Variants in ABCA10 observed in about 807,000 individuals in gnomAD.
The protein encoded by ABCA10 is ATP binding cassette subfamily A member 10.
Under a neutral mutation model 187.5 loss-of-function variants are expected in ABCA10, and 169 were observed. The observed-to-expected ratio is 0.90, with a 90% CI of 0.80 to 1.02. The LOEUF (loss-of-function observed/expected upper bound fraction) is 1.02, where lower values mean the gene tolerates loss of function less well. Among genes scored for constraint, ABCA10 ranks in the 50% least tolerant of loss-of-function variants. The pLI, the probability that ABCA10 is intolerant of heterozygous loss-of-function variation, is 0.00. For missense variants in ABCA10, 1,727 were observed against 1,812.4 expected, an observed-to-expected ratio of 0.95 and a Z score of 0.86; for synonymous variants, 574 against 601.8, an observed-to-expected ratio of 0.95 and a Z score of 0.68.
chr17:69,182,375 T>G (rs1194008916), intron 21 of ABCA10, 85 bp from the exon 22 acceptor site: 1 of 1,141,698 alleles, frequency 8.8e-7, no homozygotes, highest in Non-Finnish European at 1.2e-6. Context: ...CAGAGTGGAA[T>G]TAGAATGAGA....
intron 1 of ABCA10, among the ~76,000 whole-genome samples, chr17:69,240,330 G>C (rs970468088): frequency 6.6e-6 from 1 of 152,130 alleles, no homozygotes; most frequent in African/African-American, 2.4e-5. Context: ...TCCTGGAATG[G>C]GGCTTGTATT....
At position 69,201,678 on chromosome 17, in the gene ABCA10, T is replaced by G. The variant is rs2074546515; in HGVS notation, c.1007-10A>C. The stretch of plus-strand genomic sequence containing the variant: ...CCATGGCCATCTTTATCTAATTAAT[T>G]AAGATACAATTACATATTGCATCAA... On this transcript the variant is annotated splice_polypyrimidine_tract_variant and intron_variant, in intron 9 of 38. Transcript: ENST00000690296. 1 of 1,581,476 alleles carries G rather than the reference T, an allele frequency of 6.3e-7. No individual in the cohort carries two copies. The highest frequency in any genetic ancestry group is 8.6e-7 in the Non-Finnish European group (1 of 1,163,058).
chr17:69,191,657 ATG>A (rs138548677), intron 16 of ABCA10, among the ~76,000 whole-genome samples: 18 of 151,970 alleles, frequency 1.2e-4, no homozygotes, highest in African/African-American at 3.6e-4. Flanking sequence ...AAGTTATTTT[ATG>A]TGTGTGTATA....
intron 11 of ABCA10, 68 bp from the exon 12 acceptor site, chr17:69,194,563 G>C: frequency 9.2e-7 from 1 of 1,084,090 alleles, no homozygotes; most frequent in South Asian, 1.5e-5. Context: ...CTTAAAATTG[G>C]AAAAGTAAAA....
At position 69,148,779 on chromosome 17, in the gene ABCA10, C is replaced by A; in HGVS notation, c.*48G>T. ...AAACATTCTTGTAGAATTATGGAAA[C>A]TAACAATGTAGTAGGACCTAAAATT... On this transcript the variant is annotated 3_prime_UTR_variant, in exon 39 of 39. Transcript: ENST00000690296. 7.0e-7 allele frequency: 1 copy of A among 1,423,190 alleles called. No individual in the cohort carries two copies. The highest frequency in any genetic ancestry group is 9.8e-7 in the Non-Finnish European group (1 of 1,021,972). The allele number at this position is 1,423,190 out of a possible 1,614,324, so 88.2% of individuals were successfully genotyped here. A position where few individuals can be genotyped will look rare whatever the true frequency, so the allele number is the denominator to read the frequency against.
At chr17:69,151,527 CA>C (rs2074128041) in intron 36 of ABCA10, among the ~76,000 whole-genome samples, 1 of 152,096 alleles carries the variant, frequency 6.6e-6, no homozygotes, top group African/African-American at 2.4e-5. Flanking sequence ...CTGCTATTCA[CA>C]AGGGTTTGAT....
At chr17:69,210,844 CCA>C (rs1171211777) in intron 9 of ABCA10, among the ~76,000 whole-genome samples, 2 of 12,828 alleles carry the variant, frequency 1.6e-4, no homozygotes, top group African/African-American at 9.6e-4. Context: ...CATATTTATG[CCA>C]CATATATATA....
At chr17:69,192,421 A>T in intron 16 of ABCA10, 142 bp downstream of exon 16, 1 of 633,574 alleles carries the variant, frequency 1.6e-6, no homozygotes, top group Non-Finnish European at 2.7e-6. Flanking sequence ...AATGTTAATG[A>T]GGAAGACATT....
At chr17:69,237,631 T>C (rs545335529) in intron 1 of ABCA10, among the ~76,000 whole-genome samples, 3 of 152,340 alleles carry the variant, frequency 2.0e-5, no homozygotes, top group South Asian at 2.1e-4. Context: ...CTGCGGCTAG[T>C]ACAGTTTTCT....
intron 9 of ABCA10, among the ~76,000 whole-genome samples, chr17:69,212,156 A>G (rs564543475): frequency 6.6e-6 from 1 of 152,238 alleles, no homozygotes; most frequent in African/African-American, 2.4e-5. Context: ...TCTGTATCGC[A>G]GGGGTTTTGA....
chr17:69,214,897 C>A, intron 8 of ABCA10, 46 bp from the exon 9 acceptor site: 2 of 1,361,170 alleles, frequency 1.5e-6, no homozygotes, highest in Non-Finnish European at 2.0e-6. Context: ...ACTTATAAAA[C>A]TAAATAAAAC....
chr17:69,158,605 T>C (rs1232762257), intron 27 of ABCA10, among the ~76,000 whole-genome samples: 1 of 151,988 alleles, frequency 6.6e-6, no homozygotes, highest in African/African-American at 2.4e-5. Flanking sequence ...ATAAATATTT[T>C]CAACTCACAA....
chr17:69,194,529 G>C (rs953984920), intron 11 of ABCA10, 34 bp from the exon 12 acceptor site: 5 of 1,503,754 alleles, frequency 3.3e-6, no homozygotes, highest in Non-Finnish European at 3.7e-6. Flanking sequence ...ATTAGATTTT[G>C]GATTATATGC....
chr17:69,202,324 TA>T (rs2074552221), intron 9 of ABCA10, among the ~76,000 whole-genome samples: 1 of 152,134 alleles, frequency 6.6e-6, no homozygotes, highest in African/African-American at 2.4e-5. Context: ...ATTATTTTGA[TA>T]ATATAGAAAA....
At chr17:69,229,784 A>G (rs193002739), upstream of ABCA10, among the ~76,000 whole-genome samples, 64 of 152,096 alleles carry the variant, frequency 4.2e-4, no homozygotes, top group Non-Finnish European at 8.4e-4. Flanking sequence ...CTAGAAGTAA[A>G]AGTTCATGAA....
chr17:69,241,586 CA>C (rs2074903685), intron 1 of ABCA10, among the ~76,000 whole-genome samples: 1 of 152,178 alleles, frequency 6.6e-6, no homozygotes, highest in Non-Finnish European at 1.5e-5. Flanking sequence ...TTCTGTTTCT[CA>C]AATATGCCAC....
At chr17:69,211,334 TATATATATA>T (rs1162042877) in intron 9 of ABCA10, among the ~76,000 whole-genome samples, 4 of 132,724 alleles carry the variant, frequency 3.0e-5, no homozygotes, top group Non-Finnish European at 6.2e-5. Flanking sequence ...TATATATATA[TATATATATA>T]TATATATATA....
rs374412556 is a variant in ABCA10, at chr17:69,153,337, G to C, written c.4104C>G (p.Thr1368=). 74 of 1,613,122 alleles carry C rather than the reference G, an allele frequency of 4.6e-5. 2 individuals carry two copies. In the South Asian group the frequency reaches 7.5e-4, roughly 16 times the overall value. Residue 1368 remains threonine (T), a synonymous_variant, in exon 34 of 39, where the codon ACC becomes ACG. Transcript: ENST00000690296. ...GCTGCTGCCCCTCGGGGTCCATCCC[G>C]GTGAACGGCTCATCTAGAAGCACCA... ...PSVVLLDEPF[T]GMDPEGQQQM... is the part of the protein sequence containing the mutation.
At position 69,166,639 on chromosome 17, in the gene ABCA10, G is replaced by C; in HGVS notation, c.3163-1556C>G. Among the ~76,000 whole-genome samples the C allele has an allele frequency of 1.3e-5, 2 of 152,198 alleles. 1 individual carries two copies. The highest frequency in any genetic ancestry group is 4.1e-4 in the South Asian group (2 of 4,828). On this transcript the variant is annotated intron_variant, in intron 25 of 38. Coordinates refer to ENST00000690296, the MANE Select transcript of ABCA10 (RefSeq NM_001377321.1). ...AATAAAAGGTTAAAGATCTAAGGCT[G>C]GAGAATGTAATGCCCTCAAAGGATG...
Sources: allele counts gnomAD v4.1 joint callset (sites outside exome capture counted in the v4.1 genomes callset), GRCh38; gene constraint gnomAD v4.1.1; transcripts MANE v1.5; gene names NCBI Gene and HGNC (gene_info 2026-07-23, HGNC 2026-07-21).